RBMS3: variants seen among roughly 807,000 people sequenced by gnomAD.
The protein encoded by RBMS3 is RNA binding motif single stranded interacting protein 3.
Under a neutral mutation model 66.8 loss-of-function variants are expected in RBMS3, and 27 were observed. That is an observed-to-expected ratio of 0.40 (90% CI 0.30 to 0.56). RBMS3 has a LOEUF of 0.56. Ranked by LOEUF, RBMS3 falls within the 20% of genes least tolerant of loss-of-function variation. RBMS3 has a pLI of 0.40. For missense variants in RBMS3, 513 were observed against 549.5 expected (o/e 0.93, Z 0.66); for synonymous variants, 188 against 183.0 (o/e 1.03, Z -0.22).
chr3:29,841,501 C>A (rs1669982792), intron 6 of RBMS3, among the ~76,000 whole-genome samples: 1 of 151,982 alleles, frequency 6.6e-6, no homozygotes, highest in Admixed American at 6.6e-5. Context: ...CAGATATAGA[C>A]AGGCTATAAG....
intron 3 of RBMS3, among the ~76,000 whole-genome samples, chr3:29,582,523 A>G (rs1474546809): frequency 6.6e-6 from 1 of 152,184 alleles, no homozygotes; most frequent in Non-Finnish European, 1.5e-5. Flanking sequence ...TGTAATTGAG[A>G]GAGTGAGACG....
intron 12 of RBMS3, among the ~76,000 whole-genome samples, chr3:29,955,729 G>C (rs1577241941): frequency 6.6e-6 from 1 of 152,014 alleles, no homozygotes; most frequent in East Asian, 1.9e-4. Context: ...AGACTCACAG[G>C]AGAAACATCT....
chr3:29,997,277 T>C (rs1412945129), intron 14 of RBMS3, among the ~76,000 whole-genome samples: 4 of 151,904 alleles, frequency 2.6e-5, no homozygotes, highest in South Asian at 4.2e-4. Context: ...CAATAATCAA[T>C]AGCTTACCAA....
At chr3:29,464,783 C>A (rs1390865785) in intron 2 of RBMS3, among the ~76,000 whole-genome samples, 1 of 152,148 alleles carries the variant, frequency 6.6e-6, no homozygotes, top group African/African-American at 2.4e-5. Context: ...CCTCTGTTCA[C>A]CCCCACCTTA....
intron 1 of RBMS3, among the ~76,000 whole-genome samples, chr3:29,404,124 C>G (rs1395302457): frequency 1.3e-5 from 2 of 152,076 alleles, no homozygotes; most frequent in Non-Finnish European, 2.9e-5. Flanking sequence ...CTCTTGCAGG[C>G]TAAAATGAAA....
chr3:29,569,648 G>C (rs1019838166), intron 3 of RBMS3, among the ~76,000 whole-genome samples: 2 of 152,048 alleles, frequency 1.3e-5, no homozygotes, highest in Non-Finnish European at 2.9e-5. Flanking sequence ...ATGGGTGTTT[G>C]AATTTGATCT....
chr3:29,651,104 T>A (rs2050129565), intron 4 of RBMS3, among the ~76,000 whole-genome samples: 1 of 152,188 alleles, frequency 6.6e-6, no homozygotes, highest in South Asian at 2.1e-4. Context: ...CATGAAAGAC[T>A]AAAAGACTGA....
chr3:29,636,199 G>A (rs2049467182), intron 4 of RBMS3, among the ~76,000 whole-genome samples: 1 of 151,730 alleles, frequency 6.6e-6, no homozygotes, highest in Non-Finnish European at 1.5e-5. Context: ...AATCAGAAAA[G>A]CATTACTATA....
rs566975966 is a variant in RBMS3, at chr3:29,469,315, C to A, written c.249-19126C>A. On this transcript the variant is annotated intron_variant, in intron 2 of 14. Transcript: ENST00000383767. ...AGACAACTACTTTGGGAAATGTGTTCTGCATGCTTCAATGATCCCACTCCT... is the reference window on the plus strand; with the variant it reads ...AGACAACTACTTTGGGAAATGTGTTATGCATGCTTCAATGATCCCACTCCT... Among the ~76,000 whole-genome samples, 5 of 152,156 alleles carry A rather than the reference C, an allele frequency of 3.3e-5. No individual in the cohort carries two copies. The East Asian group carries it at 5.8e-4, about 18-fold the overall frequency.
At chr3:29,380,271 G>C (rs1253567657) in intron 1 of RBMS3, among the ~76,000 whole-genome samples, 1 of 151,318 alleles carries the variant, frequency 6.6e-6, no homozygotes, top group Non-Finnish European at 1.5e-5. Context: ...GTTATAAAAA[G>C]TACAGGACAT....
chr3:29,631,088 G>C (rs1264162945), intron 4 of RBMS3, among the ~76,000 whole-genome samples: 6 of 151,652 alleles, frequency 4.0e-5, no homozygotes, highest in African/African-American at 1.5e-4. Flanking sequence ...GTATTTAGTT[G>C]GTATTAAGAG....
chr3:29,922,812 G>T (rs888362899), intron 10 of RBMS3, among the ~76,000 whole-genome samples: 4 of 152,136 alleles, frequency 2.6e-5, no homozygotes, highest in African/African-American at 9.7e-5. Flanking sequence ...CTACCACAGA[G>T]AATTCACATT....
At chr3:29,583,958 C>G (rs367796646) in intron 3 of RBMS3, among the ~76,000 whole-genome samples, 1 of 152,106 alleles carries the variant, frequency 6.6e-6, no homozygotes, top group African/African-American at 2.4e-5. Flanking sequence ...CAAACAGAAA[C>G]AACTCAGTTG....
intron 10 of RBMS3, among the ~76,000 whole-genome samples, chr3:29,934,821 C>T (rs1002071529): frequency 2.0e-5 from 3 of 151,920 alleles, no homozygotes; most frequent in African/African-American, 7.3e-5. Context: ...ACAGAGAAGG[C>T]AGAGTGATAG....
chr3:29,399,704 A>G (rs2039718924), intron 1 of RBMS3, among the ~76,000 whole-genome samples: 1 of 74,308 alleles, frequency 1.3e-5, no homozygotes. Context: ...CCTTGATTAG[A>G]AAAGTAATAT....
chr3:29,646,682 T>A (rs1018743452), intron 4 of RBMS3, among the ~76,000 whole-genome samples: 1 of 152,126 alleles, frequency 6.6e-6, no homozygotes, highest in South Asian at 2.1e-4. Context: ...TTTTTTTTTT[T>A]CATCCTAACT....
intron 6 of RBMS3, among the ~76,000 whole-genome samples, chr3:29,787,103 T>C (rs2056846109): frequency 6.6e-6 from 1 of 151,692 alleles, no homozygotes; most frequent in Admixed American, 6.6e-5. Flanking sequence ...TAATTATCAG[T>C]GAAATGCAAA....
chr3:29,526,641 A>C (rs1200862066), intron 3 of RBMS3, among the ~76,000 whole-genome samples: 1 of 149,604 alleles, frequency 6.7e-6, no homozygotes, highest in Non-Finnish European at 1.5e-5. Context: ...GCCTCTTTTT[A>C]ATACTCCCAA....
intron 10 of RBMS3, among the ~76,000 whole-genome samples, chr3:29,928,732 A>G (rs1430895664): frequency 2.0e-5 from 3 of 152,054 alleles, no homozygotes. Context: ...GAACCAGACT[A>G]CTGGTCACTT....
Sources: allele counts gnomAD v4.1 joint callset (sites outside exome capture counted in the v4.1 genomes callset), GRCh38; gene constraint gnomAD v4.1.1; transcripts MANE v1.5; gene names NCBI Gene and HGNC (gene_info 2026-07-23, HGNC 2026-07-21).